The following SLC17A1 variants were observed in gnomAD, a reference collection of about 807,000 sequenced individuals.
The protein encoded by SLC17A1 is sodium-dependent phosphate transport protein 1.
SLC17A1 carries 51 observed loss-of-function variants against 53.5 expected under a neutral mutation model. The observed-to-expected ratio is 0.95, with a 90% CI of 0.76 to 1.20. The LOEUF (loss-of-function observed/expected upper bound fraction) is 1.20, where lower values mean the gene tolerates loss of function less well. Ranked by LOEUF, SLC17A1 falls within the 50% of genes most tolerant of loss-of-function variation. SLC17A1 has a pLI of 0.00. For missense variants in SLC17A1, 538 were observed against 568.2 expected (o/e 0.95, Z 0.54); for synonymous variants, 179 against 198.8 (o/e 0.90, Z 0.84).
intron 10 of SLC17A1, among the ~76,000 whole-genome samples, chr6:25,810,878 A>G (rs551144097): frequency 6.6e-5 from 10 of 152,282 alleles, no homozygotes; most frequent in Admixed American, 6.5e-4. Context: ...GATGAATGGC[A>G]TAACAAACAT....
the SLC17A1 span, chr6:25,773,219 C>T: frequency 2.9e-6 from 4 of 1,359,820 alleles, no homozygotes; most frequent in Non-Finnish European, 4.2e-6. Flanking sequence ...ATCTTAGAGT[C>T]AAACTGAAAG....
At chr6:25,816,352 C>T (rs1381861906) in intron 6 of SLC17A1, among the ~76,000 whole-genome samples, 1 of 152,198 alleles carries the variant, frequency 6.6e-6, no homozygotes, top group African/African-American at 2.4e-5. Flanking sequence ...TTGGTCACTC[C>T]CCAGTTGAAT....
chr6:25,781,223 GAGAA>G (rs1337659532), downstream of SLC17A1: 10 of 67,810 alleles, frequency 1.5e-4, no homozygotes, highest in Admixed American at 3.6e-4. Flanking sequence ...GAGAGAGAGA[GAGAA>G]AGAAAGAAAC....
chr6:25,758,402 CATT>C, the SLC17A1 span, among the ~76,000 whole-genome samples: 1 of 152,194 alleles, frequency 6.6e-6, no homozygotes, highest in African/African-American at 2.4e-5. Context: ...ATTCAAATTA[CATT>C]ATTGTTGTAA....
chr6:25,741,311 T>G, the SLC17A1 span, among the ~76,000 whole-genome samples: 1 of 151,344 alleles, frequency 6.6e-6, no homozygotes, highest in African/African-American at 2.4e-5. Context: ...GGCTCACACC[T>G]GTAATCCCAG....
intron 2 of SLC17A1, among the ~76,000 whole-genome samples, chr6:25,828,220 A>G (rs1158510690): frequency 2.0e-5 from 3 of 152,188 alleles, no homozygotes; most frequent in South Asian, 2.1e-4. Flanking sequence ...AGCCAGGCCA[A>G]TGTTGGATTT....
chr6:25,791,864 G>A (rs1763507969), intron 12 of SLC17A1, among the ~76,000 whole-genome samples: 1 of 152,236 alleles, frequency 6.6e-6, no homozygotes, highest in African/African-American at 2.4e-5. Flanking sequence ...CCATTTGCAG[G>A]TGCAAAGGTG....
the SLC17A1 span, chr6:25,727,070 T>C: frequency 6.2e-7 from 1 of 1,614,250 alleles, no homozygotes; most frequent in Non-Finnish European, 8.5e-7. Flanking sequence ...ATCCGGACAC[T>C]GGCATCTCTT....
At chr6:25,808,061 G>T (rs2151488223) in intron 10 of SLC17A1, among the ~76,000 whole-genome samples, 1 of 152,198 alleles carries the variant, frequency 6.6e-6, no homozygotes, top group South Asian at 2.1e-4. Flanking sequence ...CATAGTGGTT[G>T]TACTCGTTTA....
chr6:25,761,959 C>T, the SLC17A1 span: 1 of 1,611,930 alleles, frequency 6.2e-7, no homozygotes, highest in South Asian at 1.1e-5. Flanking sequence ...AAGAGAGAAC[C>T]AAAATGTCTA....
intron 3 of SLC17A1, among the ~76,000 whole-genome samples, chr6:25,820,897 CAAA>C (rs59962368): frequency 3.2e-5 from 2 of 62,216 alleles, no homozygotes; most frequent in Non-Finnish European, 3.0e-5. Flanking sequence ...GACTCCATCT[CAAA>C]AAAAAAAAAA....
chr6:25,764,982 T>G, the SLC17A1 span, among the ~76,000 whole-genome samples: 1 of 152,084 alleles, frequency 6.6e-6, no homozygotes, highest in East Asian at 1.9e-4. Context: ...CCCTACCTCC[T>G]CCTCCCCACC....
At chr6:25,739,273 A>C in the SLC17A1 span, among the ~76,000 whole-genome samples, 1 of 152,204 alleles carries the variant, frequency 6.6e-6, no homozygotes, top group Non-Finnish European at 1.5e-5. Flanking sequence ...AGAGATAGAA[A>C]GCAAGCTTTC....
At chr6:25,727,096 T>C in the SLC17A1 span, 3 of 1,614,116 alleles carry the variant, frequency 1.9e-6, no homozygotes, top group Non-Finnish European at 2.5e-6. Flanking sequence ...GCTATGAGCA[T>C]TATGAATTCC....
chr6:25,781,334 C>G (rs966381955), downstream of SLC17A1: 9 of 151,606 alleles, frequency 5.9e-5, no homozygotes, highest in African/African-American at 1.9e-4. Context: ...GAATATGGTG[C>G]TAAGAAAGGG....
At chr6:25,760,116 T>G in the SLC17A1 span, among the ~76,000 whole-genome samples, 4 of 152,102 alleles carry the variant, frequency 2.6e-5, no homozygotes, top group African/African-American at 9.6e-5. Flanking sequence ...TGATCATAGT[T>G]TTTTAAAATG....
At chr6:25,819,941 A>G in intron 3 of SLC17A1, 26 bp from the exon 4 acceptor site, 1 of 1,465,368 alleles carries the variant, frequency 6.8e-7, no homozygotes. Context: ...GGACATGTCG[A>G]ATCACTCTGC....
chr6:25,829,738 G>A (rs1056890650), intron 2 of SLC17A1, among the ~76,000 whole-genome samples: 4 of 152,004 alleles, frequency 2.6e-5, no homozygotes, highest in African/African-American at 7.3e-5. Flanking sequence ...CATGGACAGA[G>A]TAAAATGTGC....
chr6:25,734,161 C>T, the SLC17A1 span, among the ~76,000 whole-genome samples: 1 of 151,996 alleles, frequency 6.6e-6, no homozygotes, highest in Non-Finnish European at 1.5e-5. Context: ...AATTATTACC[C>T]TAAACCTATA....
Sources: allele counts gnomAD v4.1 joint callset (sites outside exome capture counted in the v4.1 genomes callset), GRCh38; gene constraint gnomAD v4.1.1; transcripts MANE v1.5; gene names NCBI Gene and HGNC (gene_info 2026-07-23, HGNC 2026-07-21).